Variants in PIK3C2G observed in about 807,000 individuals in gnomAD.
PIK3C2G encodes phosphatidylinositol-4-phosphate 3-kinase catalytic subunit type 2 gamma, also known as phosphatidylinositol 3-kinase C2 domain-containing subunit gamma.
A neutral mutation model predicts 181.1 loss-of-function variants in PIK3C2G; 168 were observed. The ratio of observed to expected loss-of-function variants is 0.93; its 90% CI spans 0.82 to 1.05. The LOEUF is 1.05. Ranked by LOEUF, PIK3C2G falls within the 50% of genes least tolerant of loss-of-function variation. The probability of loss-of-function intolerance (pLI) is 0.00; values close to 1 mark genes in which losing one functional copy is unlikely to be tolerated. For synonymous variants in PIK3C2G, 573 were observed against 592.2 expected (o/e 0.97, Z 0.47); for missense variants, 1,869 against 1,732.8 (o/e 1.08, Z -1.40).
At chr12:18,357,860 C>T (rs1367973956) in intron 11 of PIK3C2G, among the ~76,000 whole-genome samples, 1 of 152,140 alleles carries the variant, frequency 6.6e-6, no homozygotes, top group East Asian at 1.9e-4. Flanking sequence ...ATTTGTGTTT[C>T]TGTGATTGGC....
In PIK3C2G at chr12:18,338,552, A is replaced by G; in HGVS notation, c.1395+4A>G. 6.4e-7 allele frequency: 1 copy of G among 1,572,618 alleles called. No individual in the cohort carries two copies. Among genetic ancestry groups the G allele is most frequent in the Non-Finnish European group, 8.7e-7 (1 of 1,149,780 alleles). ...AATTCTTCAGAGAAAAGGAGAGGTA[A>G]GTACATTCATTTATTACACAGTAGT... is the stretch of plus-strand genomic sequence containing the variant. On this transcript the variant is annotated splice_donor_region_variant and intron_variant, in intron 9 of 32. Coordinates refer to ENST00000538779, the MANE Select transcript of PIK3C2G (RefSeq NM_001288772.2).
In PIK3C2G at chr12:18,518,776, G is replaced by T. The variant is rs187184968; in HGVS notation, c.3323+13315G>T. ...GTTAATTCTTGTCTTCTAGCTTTTT[G>T]ATTAGTTTGCTCTTGCTTCTCTAGC... On this transcript the variant is annotated intron_variant, in intron 24 of 32. Transcript: ENST00000538779. Among the ~76,000 whole-genome samples the T allele has an allele frequency of 2.5e-3, 385 of 152,080 alleles. 1 individual carries two copies. The highest frequency in any genetic ancestry group is 8.5e-3 in the African/African-American group (354 of 41,510).
At chr12:18,320,735 A>G (rs1316960546) in intron 6 of PIK3C2G, among the ~76,000 whole-genome samples, 1 of 152,254 alleles carries the variant, frequency 6.6e-6, no homozygotes, top group Admixed American at 6.5e-5. Flanking sequence ...TTTTTCAACT[A>G]TCTTTCAGGT....
At chr12:18,383,920 T>C (rs939939219) in intron 14 of PIK3C2G, among the ~76,000 whole-genome samples, 1 of 151,686 alleles carries the variant, frequency 6.6e-6, no homozygotes, top group African/African-American at 2.4e-5. Flanking sequence ...CCTGTCATCT[T>C]AGCCTCCCAA....
At chr12:18,688,211 C>T in the PIK3C2G span, 11 of 1,607,980 alleles carry the variant, frequency 6.8e-6, no homozygotes, top group Non-Finnish European at 8.5e-6. Context: ...CTGGATACCA[C>T]TGATGAGCTG....
At chr12:18,472,278 C>T (rs993945116) in intron 18 of PIK3C2G, among the ~76,000 whole-genome samples, 2 of 152,136 alleles carry the variant, frequency 1.3e-5, no homozygotes, top group Non-Finnish European at 2.9e-5. Context: ...AAAATCATCA[C>T]ATCTTAGAAA....
chr12:18,383,032 A>C (rs1358599385), intron 14 of PIK3C2G, among the ~76,000 whole-genome samples: 1 of 152,218 alleles, frequency 6.6e-6, no homozygotes, highest in Non-Finnish European at 1.5e-5. Context: ...ATCTTGGCAC[A>C]ATATCATAGA....
At chr12:18,632,974 A>G (rs1432294099) in intron 31 of PIK3C2G, among the ~76,000 whole-genome samples, 4 of 152,054 alleles carry the variant, frequency 2.6e-5, no homozygotes, top group African/African-American at 4.8e-5. Context: ...CATTAAATTA[A>G]CCATCACGAG....
At chr12:18,423,811 T>C in intron 17 of PIK3C2G, 134 bp from the exon 18 acceptor site, 1 of 623,636 alleles carries the variant, frequency 1.6e-6, no homozygotes, top group Admixed American at 2.6e-5. Context: ...CATAAAATCA[T>C]CGAATGTGTT....
rs1250561378 is a variant in PIK3C2G, at chr12:18,562,851, G to A, written c.3739G>A (p.Glu1247Lys). 1.2e-6 allele frequency: 2 copies of A among 1,605,886 alleles called. No individual in the cohort carries two copies. The highest frequency in any genetic ancestry group is 2.7e-5 in the African/African-American group (2 of 74,856). Residue 1247 changes from glutamate (E) to lysine (K), a missense_variant, in exon 27 of 33, where the codon GAA becomes AAA. Transcript: ENST00000538779. Reference sequence around the variant, plus strand: ...TTTGCTGAGTACAACTAGGTCGATTGAAAGAGCAACAATTTTAGGGTTCAG... The same window carrying A: ...TTTGCTGAGTACAACTAGGTCGATTAAAAGAGCAACAATTTTAGGGTTCAG... ...SCLLSTTRSI[E>K]RATILGFSKK...
rs114137109 is a variant in PIK3C2G at position 18,543,429 on chromosome 12, G to A, written c.3481-2894G>A. ...ACCTGCCAATTTTTGCTCTCATTGC[G>A]ATTGCTTTTGGTGTCTTCATCATGA... is the stretch of plus-strand genomic sequence containing the variant. On this transcript the variant is annotated intron_variant, in intron 25 of 32. Coordinates refer to ENST00000538779, the MANE Select transcript of PIK3C2G (RefSeq NM_001288772.2). Among the ~76,000 whole-genome samples the A allele has an allele frequency of 5.9e-5, 9 of 151,834 alleles. No homozygotes were observed. The South Asian group carries it at 8.3e-4, about 14-fold the overall frequency.
In PIK3C2G at chr12:18,619,747, T is replaced by C. The variant is rs10841047; in HGVS notation, c.4182+10118T>C. ...CATACTTCGTATGATTTTAATTTTT[T>C]TTTTTTTTTTTTGAGATGGAGTCTC... On this transcript the variant is annotated intron_variant, in intron 31 of 32. Transcript: ENST00000538779. 1.1e-4 allele frequency among the ~76,000 whole-genome samples: 9 copies of C among 81,946 alleles called. No individual in the cohort carries two copies. In the East Asian group the frequency reaches 5.8e-3, roughly 53 times the overall value. The allele number at this position is 81,946 out of a possible 152,430, so 53.8% of individuals were successfully genotyped here.
chr12:18,572,505 C>G (rs898248681), intron 29 of PIK3C2G, among the ~76,000 whole-genome samples: 2 of 150,980 alleles, frequency 1.3e-5, no homozygotes, highest in South Asian at 4.2e-4. Context: ...TAAATATAAT[C>G]TGCTGATACA....
chr12:18,399,220 T>G (rs890279556), intron 15 of PIK3C2G, among the ~76,000 whole-genome samples: 1 of 150,944 alleles, frequency 6.6e-6, no homozygotes, highest in Non-Finnish European at 1.5e-5. Context: ...ATATGCCATT[T>G]TTTCACAGGC....
intron 29 of PIK3C2G, among the ~76,000 whole-genome samples, chr12:18,582,555 C>T (rs1301134224): frequency 6.6e-6 from 1 of 152,122 alleles, no homozygotes; most frequent in Non-Finnish European, 1.5e-5. Context: ...AGGTTAGACT[C>T]CTATACATAC....
chr12:18,602,136 TG>T (rs1238530588), intron 30 of PIK3C2G, among the ~76,000 whole-genome samples: 1 of 152,030 alleles, frequency 6.6e-6, no homozygotes, highest in Non-Finnish European at 1.5e-5. Flanking sequence ...TGGAAAGCTT[TG>T]GGCAACTTTT....
the PIK3C2G span, among the ~76,000 whole-genome samples, chr12:18,668,366 C>T: frequency 0.012 from 1,797 of 152,204 alleles, 27 homozygotes; most frequent in African/African-American, 0.041. Context: ...TTACTAATTC[C>T]CTTTTGAGGT....
Position 18,456,327 on chromosome 12 carries a change from A to G in PIK3C2G, c.2505-32122A>G, listed in dbSNP as rs369131483. Reference sequence around the variant, plus strand: ...TTTAATAGGTGAGAGAAAAGAGAAAAGCTCTCTTTCCTGGAGTTTAAGAGT... The same window carrying G: ...TTTAATAGGTGAGAGAAAAGAGAAAGGCTCTCTTTCCTGGAGTTTAAGAGT... On this transcript the variant is annotated intron_variant, in intron 18 of 32. Coordinates refer to ENST00000538779, the MANE Select transcript of PIK3C2G (RefSeq NM_001288772.2). 2.6e-5 allele frequency among the ~76,000 whole-genome samples: 4 copies of G among 151,758 alleles called. No individual in the cohort carries two copies. In the East Asian group the frequency reaches 7.8e-4, roughly 29 times the overall value.
chr12:18,589,225 A>T (rs1946946607), intron 29 of PIK3C2G, among the ~76,000 whole-genome samples: 1 of 151,930 alleles, frequency 6.6e-6, no homozygotes, highest in Admixed American at 6.6e-5. Context: ...TAATCAGGAG[A>T]TCTATTTATG....
Sources: gnomAD v4.1 joint callset for allele counts (sites outside exome capture counted in the v4.1 genomes callset) on GRCh38, gnomAD v4.1.1 for gene constraint, MANE v1.5 for transcripts, NCBI Gene and HGNC (gene_info 2026-07-23, HGNC 2026-07-21) for gene names.